The following EDARADD variants were observed in gnomAD, a reference collection of about 807,000 sequenced individuals.
The protein encoded by EDARADD is ectodysplasin-A receptor-associated adapter protein.
A neutral mutation model predicts 25.6 loss-of-function variants in EDARADD; 20 were observed. The observed-to-expected ratio is 0.78, with a 90% confidence interval of 0.55 to 1.14. The LOEUF (loss-of-function observed/expected upper bound fraction) is 1.14. Ranked by LOEUF, EDARADD falls within the 50% of genes most tolerant of loss-of-function variation. EDARADD has a pLI of 0.00. For missense variants in EDARADD, 225 were observed against 270.1 expected (o/e 0.83, Z 1.17); for synonymous variants, 86 against 94.4 (o/e 0.91, Z 0.52).
intron 1 of EDARADD, among the ~76,000 whole-genome samples, chr1:236,401,947 G>A (rs1667619527): frequency 6.6e-6 from 1 of 152,052 alleles, no homozygotes; most frequent in African/African-American, 2.4e-5. Context: ...TCTGTCGGGT[G>A]GTCAGTGTAT....
At chr1:236,449,086 G>A (rs1358045702) in intron 4 of EDARADD, among the ~76,000 whole-genome samples, 1 of 152,142 alleles carries the variant, frequency 6.6e-6, no homozygotes, top group Non-Finnish European at 1.5e-5. Flanking sequence ...CTTAGCTTCT[G>A]GTGGTTTGCT....
chr1:236,436,522 G>A (rs1014083900), intron 4 of EDARADD, among the ~76,000 whole-genome samples: 4 of 151,574 alleles, frequency 2.6e-5, no homozygotes, highest in African/African-American at 9.7e-5. Flanking sequence ...AGCTGCTTGG[G>A]AGGCTGAGGC....
At chr1:236,466,706 G>A (rs1659200955) in intron 4 of EDARADD, among the ~76,000 whole-genome samples, 1 of 152,166 alleles carries the variant, frequency 6.6e-6, no homozygotes, top group Non-Finnish European at 1.5e-5. Context: ...CTGAGACATG[G>A]CGATGGGTGA....
At chr1:236,375,196 C>T (rs1437773135) in intron 3 of EDARADD, among the ~76,000 whole-genome samples, 1 of 152,036 alleles carries the variant, frequency 6.6e-6, no homozygotes, top group East Asian at 1.9e-4. Flanking sequence ...CCTATAATAA[C>T]AAAATAATCC....
chr1:236,461,696 G>A (rs765050464), intron 4 of EDARADD, among the ~76,000 whole-genome samples: 1 of 152,182 alleles, frequency 6.6e-6, no homozygotes, highest in Non-Finnish European at 1.5e-5. Context: ...TGCCACACCA[G>A]ATGAACAGTG....
At chr1:236,403,915 G>A (rs552005503) in intron 1 of EDARADD, among the ~76,000 whole-genome samples, 4 of 152,200 alleles carry the variant, frequency 2.6e-5, no homozygotes, top group East Asian at 3.9e-4. Context: ...TCTCACTGCC[G>A]GCAGAGATAT....
intron 3 of EDARADD, among the ~76,000 whole-genome samples, chr1:236,358,300 T>A (rs1336118912): frequency 1.3e-5 from 2 of 152,276 alleles, no homozygotes; most frequent in African/African-American, 2.4e-5. Context: ...TTTTATGGAA[T>A]GAACTGTTGC....
At chr1:236,349,648 T>C (rs1270572877) in intron 2 of EDARADD, among the ~76,000 whole-genome samples, 2 of 152,104 alleles carry the variant, frequency 1.3e-5, no homozygotes, top group Non-Finnish European at 2.9e-5. Context: ...CAGGTTAAGA[T>C]AAAGGATTGT....
At chr1:236,363,006 A>AAAAAAAAAAAT (rs1377112051) in intron 3 of EDARADD, among the ~76,000 whole-genome samples, 11 of 42,948 alleles carry the variant, frequency 2.6e-4, no homozygotes, top group African/African-American at 1.1e-3. Flanking sequence ...AAAAAAAAAA[A>AAAAAAAAAAAT]ATATATATAT....
chr1:236,429,151 C>T (rs1278787562), intron 4 of EDARADD, among the ~76,000 whole-genome samples: 2 of 151,620 alleles, frequency 1.3e-5, no homozygotes, highest in Non-Finnish European at 2.9e-5. Context: ...GCAGTACAGT[C>T]CAGCCTCGGC....
At chr1:236,351,635 A>G (rs1666916133) in intron 3 of EDARADD, among the ~76,000 whole-genome samples, 2 of 151,574 alleles carry the variant, frequency 1.3e-5, no homozygotes, top group Non-Finnish European at 2.9e-5. Flanking sequence ...GCTTGAACCC[A>G]GGAGGCAGAG....
intron 3 of EDARADD, among the ~76,000 whole-genome samples, chr1:236,422,793 C>T (rs867189565): frequency 6.6e-5 from 10 of 152,306 alleles, no homozygotes; most frequent in African/African-American, 2.4e-4. Context: ...GCAGATGGAA[C>T]ATGCCAGAGT....
At chr1:236,367,149 TTGGG>T (rs1188444090) in intron 3 of EDARADD, among the ~76,000 whole-genome samples, 1 of 151,500 alleles carries the variant, frequency 6.6e-6, no homozygotes, top group Non-Finnish European at 1.5e-5. Flanking sequence ...TCCCTGTTTT[TTGGG>T]TTGTTTCAGG....
chr1:236,458,987 A>C (rs1658961719), intron 4 of EDARADD, among the ~76,000 whole-genome samples: 1 of 152,128 alleles, frequency 6.6e-6, no homozygotes, highest in Non-Finnish European at 1.5e-5. Flanking sequence ...AAATCATCCA[A>C]AACTTTAGAT....
chr1:236,368,736 G>A (rs188287256), intron 3 of EDARADD, among the ~76,000 whole-genome samples: 29 of 152,064 alleles, frequency 1.9e-4, no homozygotes, highest in Middle Eastern at 3.4e-3. Flanking sequence ...CACCGCATGC[G>A]GCTTTTATCC....
At chr1:236,432,611 TC>T (rs1023211448) in intron 4 of EDARADD, among the ~76,000 whole-genome samples, 14 of 151,452 alleles carry the variant, frequency 9.2e-5, no homozygotes, top group Non-Finnish European at 1.5e-4. Flanking sequence ...GCAGACCAAC[TC>T]GGTGGCTCAT....
chr1:236,393,391 C>CTTTCTTTTTTT (rs1553264552), upstream of EDARADD, among the ~76,000 whole-genome samples: 3 of 87,212 alleles, frequency 3.4e-5, no homozygotes, highest in African/African-American at 1.6e-4. Context: ...TTCTTTCTTT[C>CTTTCTTTTTTT]TTTTTTTTTT....
chr1:236,438,423 G>A (rs766524347), intron 4 of EDARADD, among the ~76,000 whole-genome samples: 38 of 152,166 alleles, frequency 2.5e-4, no homozygotes, highest in Non-Finnish European at 3.8e-4. Flanking sequence ...AGAAGTGGAG[G>A]GAAGGGCTGA....
rs181988298 is a variant in EDARADD at position 236,418,927 on chromosome 1, A to C, written c.160+4628A>C. Among the ~76,000 whole-genome samples the C allele has an allele frequency of 2.0e-5, 3 of 152,164 alleles. No individual in the cohort carries two copies. The East Asian group carries it at 5.8e-4, about 29-fold the overall frequency. ...GCCCCCGCTCCCCAAGCCTTGACAG[A>C]GACCCTCTTGGGAATCTTCTGTTAC... On this transcript the variant is annotated intron_variant, in intron 3 of 5. Coordinates refer to ENST00000334232, the MANE Select transcript of EDARADD (RefSeq NM_145861.4).
Sources: allele counts gnomAD v4.1 joint callset (sites outside exome capture counted in the v4.1 genomes callset), GRCh38; gene constraint gnomAD v4.1.1; transcripts MANE v1.5; gene names NCBI Gene and HGNC (gene_info 2026-07-23, HGNC 2026-07-21).